TTF2: variants seen among roughly 807,000 people sequenced by gnomAD.
TTF2 encodes transcription termination factor 2.
TTF2 carries 108 observed loss-of-function variants against 142.4 expected under a neutral mutation model. That is an observed-to-expected ratio of 0.76 (90% CI 0.65 to 0.89). The LOEUF is 0.89. TTF2 is among the 40% of genes least tolerant of loss of function. The pLI is 0.00. For synonymous variants in TTF2, 483 were observed against 506.2 expected, an observed-to-expected ratio of 0.95 and a Z score of 0.61; for missense variants, 1,327 against 1,379.8, an observed-to-expected ratio of 0.96 and a Z score of 0.61.
chr1:117,068,247 C>A (rs768273869), intron 3 of TTF2, among the ~76,000 whole-genome samples: 11 of 152,132 alleles, frequency 7.2e-5, no homozygotes, highest in Admixed American at 1.3e-4. Flanking sequence ...AGTTTTAGTT[C>A]TTTAAATAAT....
chr1:117,075,487 A>G lies in TTF2; in HGVS notation c.903A>G (p.Ile301Met). ...KETKAKDGPS[I>M]QATQKSLPQG... ...CAAAGGCAAAGGATGGCCCTAGCAT[A>G]CAGGCCACCCAGAAAAGCCTGCCTC... is the stretch of plus-strand genomic sequence containing the variant. Residue 301 changes from isoleucine to methionine, a missense_variant, in exon 5 of 23, where the codon ATA becomes ATG. Transcript: ENST00000369466. The surrounding 1 kb of genome is among the most constrained non-coding windows in gnomAD (Gnocchi z 4.5). 1 of 1,614,126 alleles carries G rather than the reference A, an allele frequency of 6.2e-7. No individual in the cohort carries two copies. Among genetic ancestry groups the G allele is most frequent in the Non-Finnish European group, 8.5e-7 (1 of 1,179,994 alleles).
At chr1:117,096,947 G>A (rs1352671961) in intron 20 of TTF2, among the ~76,000 whole-genome samples, 2 of 152,182 alleles carry the variant, frequency 1.3e-5, no homozygotes, top group Non-Finnish European at 2.9e-5. Context: ...TCTAATTATA[G>A]ATAATAAAGA....
chr1:117,062,623 A>G, intron 3 of TTF2, 150 bp downstream of exon 3: 1 of 602,776 alleles, frequency 1.7e-6, no homozygotes, highest in Non-Finnish European at 2.8e-6. Flanking sequence ...TTTGGCTGTC[A>G]CTACCTAAAT....
Position 117,079,656 on chromosome 1 carries a change from G to A in TTF2, c.1783+7G>A, listed in dbSNP as rs1433251512. The stretch of plus-strand genomic sequence containing the variant: ...CCACAAGGAGGAATTCTGGGTAAGT[G>A]TGGTATTATAAGAGTCAGCCTTTAT... On this transcript the variant is annotated splice_region_variant and intron_variant, in intron 9 of 22. Coordinates refer to ENST00000369466, the MANE Select transcript of TTF2 (RefSeq NM_003594.4). The surrounding 1 kb of genome is among the most constrained non-coding windows in gnomAD (Gnocchi z 4.2). 1.2e-6 allele frequency: 2 copies of A among 1,614,008 alleles called. No homozygotes were observed. Among genetic ancestry groups the A allele is most frequent in the Admixed American group, 1.7e-5 (1 of 60,030 alleles).
rs1312681968 is a variant in TTF2, at chr1:117,063,974, C to T, written c.218+1501C>T. Among the ~76,000 whole-genome samples the T allele has an allele frequency of 6.6e-6, 1 of 152,186 alleles. No individual in the cohort carries two copies. Among genetic ancestry groups the T allele is most frequent in the Non-Finnish European group, 1.5e-5 (1 of 68,042 alleles). ...ACTGAAGAGTTCCATCACAGGATCT[C>T]TCTGTTGCCCTTTCTATAACCATAC... On this transcript the variant is annotated intron_variant, in intron 3 of 22. Coordinates refer to ENST00000369466, the MANE Select transcript of TTF2 (RefSeq NM_003594.4). This position sits in a 1 kb window ranked among gnomAD's most constrained non-coding sequence, Gnocchi z 4.1.
intron 19 of TTF2, among the ~76,000 whole-genome samples, chr1:117,095,619 G>A (rs558792986): frequency 1.2e-4 from 18 of 151,684 alleles, no homozygotes; most frequent in South Asian, 4.1e-4. Context: ...AAAAGCAAGC[G>A]AGTGAGGAGG....
chr1:117,067,155 G>T (rs934863573), intron 3 of TTF2, among the ~76,000 whole-genome samples: 9 of 152,002 alleles, frequency 5.9e-5, no homozygotes, highest in African/African-American at 2.2e-4. Context: ...TTTTAAAATA[G>T]AACAAAAAAG....
At chr1:117,061,302 GGA>G (rs962768536) in intron 2 of TTF2, among the ~76,000 whole-genome samples, 11 of 152,210 alleles carry the variant, frequency 7.2e-5, no homozygotes, top group Non-Finnish European at 4.4e-5. Flanking sequence ...TGAGGTGGGA[GGA>G]GAGAGTCAGA....
At chr1:117,069,890 A>G (rs74111939) in intron 3 of TTF2, among the ~76,000 whole-genome samples, 2,575 of 152,302 alleles carry the variant, frequency 0.017, 80 homozygotes, top group African/African-American at 0.058. Context: ...CTTCATCGTT[A>G]TTGCCTATAA....
chr1:117,097,334 T>C lies in TTF2; in HGVS notation c.3187-17T>C. 1 of 1,613,358 alleles carries C rather than the reference T, an allele frequency of 6.2e-7. No homozygotes were observed. The highest frequency in any genetic ancestry group is 8.5e-7 in the Non-Finnish European group (1 of 1,179,244). Reference sequence around the variant, plus strand: ...GACCAAGTCTGTTTAAAGTTAATGTTGTGTTTCCTTTTGAAGGTAATGCTA... The same window carrying C: ...GACCAAGTCTGTTTAAAGTTAATGTCGTGTTTCCTTTTGAAGGTAATGCTA... On this transcript the variant is annotated splice_polypyrimidine_tract_variant and intron_variant, in intron 20 of 22. Transcript: ENST00000369466. The surrounding 1 kb of genome is among the most constrained non-coding windows in gnomAD (Gnocchi z 4.1).
At chr1:117,062,979 T>TA (rs2101263973) in intron 3 of TTF2, among the ~76,000 whole-genome samples, 1 of 152,334 alleles carries the variant, frequency 6.6e-6, no homozygotes. Context: ...AATGGACTAA[T>TA]ATATTGCATT....
chr1:117,060,403 G>C, intron 1 of TTF2, 29 bp downstream of exon 1: 1 of 1,608,456 alleles, frequency 6.2e-7, no homozygotes, highest in South Asian at 1.1e-5. Flanking sequence ...AGCGTCCCGG[G>C]GCCTGTTGAT....
chr1:117,072,452 G>A (rs953925449), intron 3 of TTF2, among the ~76,000 whole-genome samples: 28 of 125,044 alleles, frequency 2.2e-4, no homozygotes, highest in African/African-American at 9.0e-4. Flanking sequence ...TTGAGACAGA[G>A]TCTCACTGTG....
At chr1:117,089,486 C>T (rs1648376317) in intron 13 of TTF2, among the ~76,000 whole-genome samples, 1 of 151,820 alleles carries the variant, frequency 6.6e-6, no homozygotes, top group African/African-American at 2.4e-5. Flanking sequence ...GCCAGGAGTT[C>T]AAGATTAGCC....
In TTF2 at chr1:117,092,030, G is replaced by T; in HGVS notation, c.2805+80G>T. On this transcript the variant is annotated intron_variant, in intron 17 of 22. Transcript: ENST00000369466. This position sits in a 1 kb window ranked among gnomAD's most constrained non-coding sequence, Gnocchi z 4.4. Reference sequence around the variant, plus strand: ...AAGTCAATTTCACTCTCCTCCAACTGGAATCCAGTCTGCTTGATCAAAGGA... The same window carrying T: ...AAGTCAATTTCACTCTCCTCCAACTTGAATCCAGTCTGCTTGATCAAAGGA... 3 of 1,420,060 alleles carry T rather than the reference G, an allele frequency of 2.1e-6. No homozygotes were observed. Among genetic ancestry groups the T allele is most frequent in the South Asian group, 1.4e-5 (1 of 70,028 alleles). The allele number at this position is 1,420,060 out of a possible 1,614,324, so 88.0% of individuals were successfully genotyped here.
Position 117,090,509 on chromosome 1 carries a change from A to C in TTF2, c.2497-23A>C, listed in dbSNP as rs770616631. ...CAGTTAATTTGTATAGCTTCATGCC[A>C]GCTTTTTTTTTTATTCTTCCAGGTG... On this transcript the variant is annotated intron_variant, in intron 14 of 22. Transcript: ENST00000369466. This position sits in a 1 kb window ranked among gnomAD's most constrained non-coding sequence, Gnocchi z 4.8. 1 of 1,591,910 alleles carries C rather than the reference A, an allele frequency of 6.3e-7. No homozygotes were observed. Among genetic ancestry groups the C allele is most frequent in the Middle Eastern group, 1.7e-4 (1 of 6,000 alleles).
In TTF2 at chr1:117,096,160, C is replaced by T; in HGVS notation, c.3047C>T (p.Ser1016Phe). Residue 1016 changes from serine to phenylalanine, a missense_variant, in exon 20 of 23, where the codon TCT (serine) becomes TTT (phenylalanine). Coordinates refer to ENST00000369466, the MANE Select transcript of TTF2 (RefSeq NM_003594.4). ...NSASQKSVIV[S>F]QWTNMLKVVA... is the part of the protein sequence containing the mutation. ...ATTCTTCTTTCCAGTGTCATTGTCTCTCAGTGGACCAACATGCTGAAAGTT... is the reference window on the plus strand; with the variant it reads ...ATTCTTCTTTCCAGTGTCATTGTCTTTCAGTGGACCAACATGCTGAAAGTT... The T allele has an allele frequency of 1.2e-6, 2 of 1,613,982 alleles. No homozygotes were observed. The highest frequency in any genetic ancestry group is 1.7e-6 in the Non-Finnish European group (2 of 1,179,958).
intron 10 of TTF2, 136 bp from the exon 11 acceptor site, chr1:117,083,882 C>A: frequency 3.0e-6 from 3 of 1,016,468 alleles, no homozygotes; most frequent in Non-Finnish European, 4.3e-6. Flanking sequence ...GAGGCTAAGG[C>A]AGGAGGATCA....
rs1252574151 is a variant in TTF2 at position 117,101,962 on chromosome 1, T to G, written c.*438T>G. 1 of 153,338 alleles carries G rather than the reference T, an allele frequency of 6.5e-6. No individual in the cohort carries two copies. Among genetic ancestry groups the G allele is most frequent in the Non-Finnish European group, 1.4e-5 (1 of 68,966 alleles). 9.5% of individuals were successfully genotyped at this position (153,338 alleles called of 1,614,324 possible). A position where few individuals can be genotyped will look rare whatever the true frequency, so the allele number is the denominator to read the frequency against. On this transcript the variant is annotated 3_prime_UTR_variant, in exon 23 of 23. Transcript: ENST00000369466. The surrounding 1 kb of genome is among the most constrained non-coding windows in gnomAD (Gnocchi z 5.9). The stretch of plus-strand genomic sequence containing the variant: ...TTCAAGACCAGCCTGGGCAACATAG[T>G]AAGACCCCATCTCTATGAAGAATAA...
Sources: gnomAD v4.1 joint callset for allele counts (sites outside exome capture counted in the v4.1 genomes callset) on GRCh38, gnomAD v4.1.1 for gene constraint, Gnocchi (gnomAD v3.1) non-coding constraint, MANE v1.5 for transcripts, NCBI Gene and HGNC (gene_info 2026-07-23, HGNC 2026-07-21) for gene names.